Variants in CYFIP1 observed in about 807,000 individuals in gnomAD.
The protein encoded by CYFIP1 is cytoplasmic FMR1 interacting protein 1, also known as cytoplasmic FMR1-interacting protein 1.
CYFIP1 carries 58 observed loss-of-function variants against 163.5 expected under a neutral mutation model. The ratio of observed to expected loss-of-function variants is 0.35; its 90% CI spans 0.29 to 0.44. The LOEUF (loss-of-function observed/expected upper bound fraction) is 0.44. Among genes scored for constraint, CYFIP1 ranks in the 20% least tolerant of loss-of-function variants. The pLI is 1.00. For missense variants in CYFIP1, 1,338 were observed against 1,653.8 expected (o/e 0.81, Z 3.31); for synonymous variants, 663 against 660.7 (o/e 1.00, Z -0.05).
Position 22,875,198 on chromosome 15 carries a change from C to T in CYFIP1, c.3115+1G>A, listed in dbSNP as rs780612953. 1 of 1,613,854 alleles carries T rather than the reference C, an allele frequency of 6.2e-7. No homozygotes were observed. The highest frequency in any genetic ancestry group is 1.3e-5 in the African/African-American group (1 of 74,912). ...TCCCTGGTGGGGGTCAGCAGGCTCACCTTTCACATGGACTCGCGGCAAGAT... is the reference window on the plus strand; with the variant it reads ...TCCCTGGTGGGGGTCAGCAGGCTCATCTTTCACATGGACTCGCGGCAAGAT... On this transcript the variant is annotated splice_donor_variant, in intron 27 of 30. Transcript: ENST00000617928. LOFTEE classifies it high-confidence loss of function.
intron 22 of CYFIP1, among the ~76,000 whole-genome samples, chr15:22,897,049 C>T (rs1360117229): frequency 6.6e-6 from 1 of 152,020 alleles, no homozygotes; most frequent in African/African-American, 2.4e-5. Flanking sequence ...CCCATGTCTA[C>T]TAAAAATACA....
intron 1 of CYFIP1, among the ~76,000 whole-genome samples, chr15:22,958,270 G>C (rs2062551940): frequency 6.6e-6 from 1 of 152,198 alleles, no homozygotes; most frequent in Admixed American, 6.5e-5. Flanking sequence ...ATTTCTAATA[G>C]AGACGGGGTT....
At chr15:22,900,933 T>C (rs1186736854) in intron 22 of CYFIP1, among the ~76,000 whole-genome samples, 3 of 151,630 alleles carry the variant, frequency 2.0e-5, no homozygotes, top group African/African-American at 7.3e-5. Context: ...CTGGGCACGG[T>C]GGCTCATACC....
At chr15:22,936,544 T>C (rs1460872317) in intron 9 of CYFIP1, among the ~76,000 whole-genome samples, 1 of 152,152 alleles carries the variant, frequency 6.6e-6, no homozygotes, top group East Asian at 1.9e-4. Flanking sequence ...CTCTCACTGC[T>C]GATGGGAACG....
chr15:22,912,384 G>C (rs1365206366), intron 17 of CYFIP1, 109 bp from the exon 18 acceptor site: 1 of 798,822 alleles, frequency 1.3e-6, no homozygotes, highest in Non-Finnish European at 1.9e-6. Flanking sequence ...TCTCACGTAA[G>C]GAAAAACAAC....
rs1248259934 is a variant in CYFIP1 at position 22,944,555 on chromosome 15, T to C, written c.387+3A>G. 6.2e-7 allele frequency: 1 copy of C among 1,604,874 alleles called. No homozygotes were observed. Among genetic ancestry groups the C allele is most frequent in the Non-Finnish European group, 8.5e-7 (1 of 1,172,292 alleles). ...ACCCCCCCCAGATTATTTGCCATTT[T>C]ACCTGGAAGTACATGAAATTCATCA... On this transcript the variant is annotated splice_donor_region_variant and intron_variant, in intron 5 of 30. Coordinates refer to ENST00000617928, the MANE Select transcript of CYFIP1 (RefSeq NM_014608.6).
chr15:22,949,333 G>A (rs1178424015), intron 1 of CYFIP1, among the ~76,000 whole-genome samples: 1 of 151,982 alleles, frequency 6.6e-6, no homozygotes, highest in Non-Finnish European at 1.5e-5. Flanking sequence ...AAGCGGGGAG[G>A]TGCCAACTTG....
chr15:22,948,045 C>G (rs1273156064), intron 1 of CYFIP1: 8 of 964,966 alleles, frequency 8.3e-6, no homozygotes, highest in Non-Finnish European at 9.9e-6. Context: ...AAGGAAAGAG[C>G]AGCAGGTGGC....
At chr15:22,971,585 AGAACTGCTT>A (rs554052589) in intron 1 of CYFIP1, among the ~76,000 whole-genome samples, 336 of 152,146 alleles carry the variant, frequency 2.2e-3, no homozygotes, top group African/African-American at 7.6e-3. Context: ...CTGAGGCAGG[AGAACTGCTT>A]GAACACGGGA....
chr15:22,952,742 TG>T (rs2062301732), intron 1 of CYFIP1, among the ~76,000 whole-genome samples: 1 of 149,476 alleles, frequency 6.7e-6, no homozygotes, highest in South Asian at 2.1e-4. Context: ...TAGCAATGTT[TG>T]ATGCTGATTA....
intron 11 of CYFIP1, among the ~76,000 whole-genome samples, chr15:22,930,389 C>CAAA (rs35398202): frequency 0.077 from 8,559 of 111,442 alleles, 372 homozygotes; most frequent in Non-Finnish European, 0.12. Flanking sequence ...CCGTCTCACC[C>CAAA]AAAAAAAAAA....
rs2059494431 is a variant in CYFIP1, at chr15:22,873,528, A to G, written c.3412T>C (p.Tyr1138His). The stretch of plus-strand genomic sequence containing the variant: ...TCGTGTGTCCCCACGGGAATGCAGT[A>G]GACAAACTGCATGGCACTCCACAGT... ...HRLWSAMQFVYCIPVGTHEFT... is the reference protein window; with the variant it reads ...HRLWSAMQFVHCIPVGTHEFT... The change falls in exon 29 of 31, where the codon TAC (tyrosine) becomes CAC (histidine). Residue 1138 changes from tyrosine (Y) to histidine (H), a missense_variant. By Grantham distance (83) the Tyr-to-His change is moderately conservative. Transcript: ENST00000617928. 2 of 1,614,032 alleles carry G rather than the reference A, an allele frequency of 1.2e-6. No homozygotes were observed. Among genetic ancestry groups the G allele is most frequent in the Non-Finnish European group, 1.7e-6 (2 of 1,179,860 alleles).
intron 5 of CYFIP1, among the ~76,000 whole-genome samples, chr15:22,944,274 A>C (rs535861763): frequency 8.6e-4 from 131 of 151,778 alleles, no homozygotes; most frequent in Admixed American, 1.4e-3. Context: ...ACAAACTGGC[A>C]AAAAGTCAAA....
chr15:22,950,525 G>C (rs956230620), intron 1 of CYFIP1, among the ~76,000 whole-genome samples: 1 of 152,188 alleles, frequency 6.6e-6, no homozygotes, highest in Non-Finnish European at 1.5e-5. Flanking sequence ...AAATGCCATA[G>C]CCACCCCCGA....
Position 22,943,171 on chromosome 15 carries a change from A to T in CYFIP1, c.569+2T>A, listed in dbSNP as rs1276225370. On this transcript the variant is annotated splice_donor_variant, in intron 6 of 30. Transcript: ENST00000617928. LOFTEE classifies it high-confidence loss of function. ...CCCGCAGTGCGCGAGGTGGGTGCTCACCTCTTGTACGCTGAGTGGTCGTTC... is the reference window on the plus strand; with the variant it reads ...CCCGCAGTGCGCGAGGTGGGTGCTCTCCTCTTGTACGCTGAGTGGTCGTTC... The T allele has an allele frequency of 3.1e-6, 5 of 1,613,876 alleles. No individual in the cohort carries two copies. Among genetic ancestry groups the T allele is most frequent in the Non-Finnish European group, 4.2e-6 (5 of 1,179,872 alleles).
At chr15:22,918,568 C>G in intron 14 of CYFIP1, 124 bp downstream of exon 14, 1 of 848,094 alleles carries the variant, frequency 1.2e-6, no homozygotes, top group Non-Finnish European at 1.7e-6. Flanking sequence ...ACCAAGAGGG[C>G]ATCTGAAGGT....
In CYFIP1 at chr15:22,917,407, C is replaced by T. The variant is rs1467294747; in HGVS notation, c.1674+381G>A. 2 of 768,210 alleles carry T rather than the reference C, an allele frequency of 2.6e-6. No homozygotes were observed. The highest frequency in any genetic ancestry group is 3.6e-6 in the Non-Finnish European group (2 of 553,896). The allele number at this position is 768,210 out of a possible 1,614,324, so 47.6% of individuals were successfully genotyped here. ...AGGACCATGACACACGCAAGCAGCA[C>T]CTCACAGTTTCCCACGCCCCATCTA... On this transcript the variant is annotated intron_variant, in intron 15 of 30. Transcript: ENST00000617928. This position sits in a 1 kb window ranked among gnomAD's most constrained non-coding sequence, Gnocchi z 4.2.
intron 22 of CYFIP1, among the ~76,000 whole-genome samples, chr15:22,902,731 C>T (rs2060436426): frequency 6.6e-6 from 1 of 152,184 alleles, no homozygotes; most frequent in Non-Finnish European, 1.5e-5. Flanking sequence ...GCCCAGAGCG[C>T]GTGGCCATGA....
chr15:22,912,393 AC>A, intron 17 of CYFIP1, 118 bp from the exon 18 acceptor site: 1 of 719,986 alleles, frequency 1.4e-6, no homozygotes, highest in South Asian at 2.1e-5. Flanking sequence ...AGGAAAAACA[AC>A]TTTCACTTCA....
Sources: allele counts gnomAD v4.1 joint callset (sites outside exome capture counted in the v4.1 genomes callset), GRCh38; gene constraint gnomAD v4.1.1; non-coding constraint Gnocchi (gnomAD v3.1); transcripts MANE v1.5; gene names NCBI Gene and HGNC (gene_info 2026-07-23, HGNC 2026-07-21).